Variants in BRINP3 observed in about 807,000 individuals in gnomAD.
The protein encoded by BRINP3 is BMP/retinoic acid inducible neural specific 3.
BRINP3 carries 19 observed loss-of-function variants against 71.0 expected under a neutral mutation model. That is an observed-to-expected ratio of 0.27 (90% CI 0.19 to 0.39). The LOEUF is 0.39. BRINP3 is among the 10% of genes least tolerant of loss of function. The probability of loss-of-function intolerance (pLI) is 1.00; values close to 1 mark genes in which losing one functional copy is unlikely to be tolerated. For missense variants in BRINP3, 959 were observed against 940.8 expected (o/e 1.02, Z -0.25); for synonymous variants, 380 against 337.7 (o/e 1.13, Z -1.37).
At chr1:190,257,269 T>C (rs1660748405) in intron 4 of BRINP3, among the ~76,000 whole-genome samples, 1 of 152,228 alleles carries the variant, frequency 6.6e-6, no homozygotes, top group Non-Finnish European at 1.5e-5. Context: ...TTCTTCCACT[T>C]GATCAAATTG....
chr1:190,280,388 G>A (rs10920683), intron 3 of BRINP3, among the ~76,000 whole-genome samples: 89,648 of 151,538 alleles, frequency 0.59, 26,709 homozygotes, highest in Admixed American at 0.69. Flanking sequence ...CTAGGTTTCA[G>A]TTAAAACAGT....
chr1:190,187,019 G>A (rs965101729), intron 6 of BRINP3, among the ~76,000 whole-genome samples: 2 of 152,042 alleles, frequency 1.3e-5, no homozygotes, highest in African/African-American at 2.4e-5. Flanking sequence ...CAGTGAAAAC[G>A]CAGAGTTTGT....
At chr1:190,174,087 G>A (rs895519068) in intron 6 of BRINP3, among the ~76,000 whole-genome samples, 6 of 152,092 alleles carry the variant, frequency 3.9e-5, no homozygotes, top group African/African-American at 1.2e-4. Flanking sequence ...TGAGAAGTAC[G>A]GCTGCAAAGA....
At chr1:190,406,395 ATAC>A (rs1462041690) in intron 2 of BRINP3, among the ~76,000 whole-genome samples, 2 of 152,212 alleles carry the variant, frequency 1.3e-5, no homozygotes, top group African/African-American at 2.4e-5. Context: ...AAATCACATT[ATAC>A]TACTATTTCT....
chr1:190,129,188 G>A (rs898678179), intron 7 of BRINP3, among the ~76,000 whole-genome samples: 21 of 151,856 alleles, frequency 1.4e-4, no homozygotes, highest in Non-Finnish European at 2.5e-4. Flanking sequence ...ATCAAGATTA[G>A]GGACATCAGA....
intron 6 of BRINP3, among the ~76,000 whole-genome samples, chr1:190,168,233 C>T (rs946121367): frequency 6.6e-6 from 1 of 151,680 alleles, no homozygotes; most frequent in African/African-American, 2.4e-5. Flanking sequence ...ATATAAAAAG[C>T]AAGACATAGG....
chr1:190,361,871 T>C (rs1225539647), intron 2 of BRINP3, among the ~76,000 whole-genome samples: 1 of 152,174 alleles, frequency 6.6e-6, no homozygotes, highest in Non-Finnish European at 1.5e-5. Context: ...TGGTAAATGT[T>C]TGAGTTCTCC....
chr1:190,200,309 T>C (rs972476193), intron 6 of BRINP3, among the ~76,000 whole-genome samples: 10 of 152,140 alleles, frequency 6.6e-5, no homozygotes, highest in Non-Finnish European at 1.0e-4. Flanking sequence ...CTATGAAAAC[T>C]ATTATTAGCT....
At chr1:190,254,483 C>G (rs1404599948) in intron 4 of BRINP3, among the ~76,000 whole-genome samples, 1 of 151,958 alleles carries the variant, frequency 6.6e-6, no homozygotes, top group Non-Finnish European at 1.5e-5. Context: ...TGAAGAGGTC[C>G]TTCACATCCC....
chr1:190,391,884 G>A (rs1421947948), intron 2 of BRINP3, among the ~76,000 whole-genome samples: 1 of 151,658 alleles, frequency 6.6e-6, no homozygotes, highest in East Asian at 1.9e-4. Flanking sequence ...AATACCCGAA[G>A]GGAGACAGAT....
intron 6 of BRINP3, among the ~76,000 whole-genome samples, chr1:190,199,146 T>C (rs1029495914): frequency 3.9e-5 from 6 of 152,128 alleles, no homozygotes; most frequent in Non-Finnish European, 7.4e-5. Context: ...ATGAGACTTA[T>C]TCATGATCAT....
chr1:190,169,594 T>TATAATATAATATAATATAATATAATATAA (rs1384522345), intron 6 of BRINP3, among the ~76,000 whole-genome samples: 6 of 152,150 alleles, frequency 3.9e-5, no homozygotes, highest in African/African-American at 1.4e-4. Flanking sequence ...TCAAGGGCAA[T>TATAATATAATATAATATAATATAATATAA]TATAATTTGT....
At chr1:190,132,786 C>T (rs1654649181) in intron 7 of BRINP3, among the ~76,000 whole-genome samples, 1 of 152,086 alleles carries the variant, frequency 6.6e-6, no homozygotes, top group Admixed American at 6.6e-5. Flanking sequence ...TTGCATCTCA[C>T]AGATAGCAAC....
At chr1:190,373,422 T>TTATA (rs768242491) in intron 2 of BRINP3, among the ~76,000 whole-genome samples, 10 of 133,830 alleles carry the variant, frequency 7.5e-5, no homozygotes, top group African/African-American at 2.8e-4. Context: ...AATTCCTTAA[T>TTATA]TATATATATA....
chr1:190,341,711 C>T (rs966159293), intron 2 of BRINP3, among the ~76,000 whole-genome samples: 1 of 151,444 alleles, frequency 6.6e-6, no homozygotes, highest in Non-Finnish European at 1.5e-5. Flanking sequence ...ATCAAAGTTC[C>T]ATAGTTGAAA....
chr1:190,287,107 A>G (rs1663489277), intron 2 of BRINP3, among the ~76,000 whole-genome samples: 1 of 151,948 alleles, frequency 6.6e-6, no homozygotes, highest in South Asian at 2.1e-4. Flanking sequence ...TGTGCCTGTA[A>G]TCCCAGCTAC....
intron 2 of BRINP3, among the ~76,000 whole-genome samples, chr1:190,383,984 A>G (rs1446803492): frequency 6.6e-6 from 1 of 151,932 alleles, no homozygotes; most frequent in Non-Finnish European, 1.5e-5. Flanking sequence ...AGTTTTACAG[A>G]TGAAAACATT....
chr1:190,375,641 GT>G (rs1266966318), intron 2 of BRINP3, among the ~76,000 whole-genome samples: 3 of 151,892 alleles, frequency 2.0e-5, no homozygotes, highest in Non-Finnish European at 4.4e-5. Context: ...TGAGTCACAA[GT>G]TCATCACCTC....
chr1:190,454,158 T>C (rs1675831784), intron 2 of BRINP3, among the ~76,000 whole-genome samples: 1 of 152,246 alleles, frequency 6.6e-6, no homozygotes, highest in African/African-American at 2.4e-5. Flanking sequence ...ATGTCCTATT[T>C]ATCTGCTACT....
Sources: allele counts gnomAD v4.1 joint callset (sites outside exome capture counted in the v4.1 genomes callset), GRCh38; gene constraint gnomAD v4.1.1; transcripts MANE v1.5; gene names NCBI Gene and HGNC (gene_info 2026-07-23, HGNC 2026-07-21).